Variants in PAICS observed in about 807,000 individuals in gnomAD.
PAICS encodes bifunctional phosphoribosylaminoimidazole carboxylase/phosphoribosylaminoimidazole succinocarboxamide synthetase.
Under a neutral mutation model 53.7 loss-of-function variants are expected in PAICS, and 33 were observed. That is an observed-to-expected ratio of 0.61 (90% confidence interval 0.47 to 0.82). PAICS has a LOEUF of 0.82. PAICS is among the 40% of genes least tolerant of loss of function. The probability of loss-of-function intolerance (pLI) is 0.00; values close to 1 mark genes in which losing one functional copy is unlikely to be tolerated. For missense variants in PAICS, 394 were observed against 494.1 expected, an observed-to-expected ratio of 0.80 and a Z score of 1.92; for synonymous variants, 141 against 167.2, an observed-to-expected ratio of 0.84 and a Z score of 1.21.
the PAICS span, chr4:56,425,338 C>A: frequency 5.9e-6 from 2 of 340,930 alleles, no homozygotes; most frequent in Non-Finnish European, 8.3e-6. Flanking sequence ...TCATATGAAA[C>A]ACAATACTGA....
chr4:56,453,009 C>T (rs1431575115), intron 7 of PAICS, among the ~76,000 whole-genome samples: 2 of 152,052 alleles, frequency 1.3e-5, no homozygotes, highest in African/African-American at 4.8e-5. Context: ...CAAATACATA[C>T]AATTTTGGAT....
chr4:56,439,903 A>T (rs1258128497), intron 1 of PAICS, among the ~76,000 whole-genome samples: 2 of 152,226 alleles, frequency 1.3e-5, no homozygotes, highest in East Asian at 3.9e-4. Flanking sequence ...GAGATTACAG[A>T]TGTGAGCCAC....
the PAICS span, chr4:56,428,946 T>C: frequency 2.1e-6 from 2 of 956,242 alleles, no homozygotes; most frequent in Non-Finnish European, 2.5e-6. Flanking sequence ...TAAGAATTAT[T>C]TGAAGGTCAC....
Position 56,436,671 on chromosome 4 carries a change from TAAG to T in PAICS, c.16+347_16+349del, listed in dbSNP as rs1578143878. ...TTGCCCGTTAGGTTAATGACCTTTC[TAAG>T]AAGGTTAATAATTGAAACTTTTGAA... On this transcript the variant is annotated intron_variant, in intron 1 of 8. Coordinates refer to ENST00000512576, the MANE Select transcript of PAICS (RefSeq NM_001079524.2). 3.3e-5 allele frequency: 18 copies of T among 549,826 alleles called. No individual in the cohort carries two copies. In the East Asian group the frequency reaches 5.9e-4, roughly 18 times the overall value. The allele number at this position is 549,826 out of a possible 1,614,324, so 34.1% of individuals were successfully genotyped here.
rs553818015 is a variant in PAICS at position 56,455,887 on chromosome 4, C to T, written c.1111+2126C>T. On this transcript the variant is annotated intron_variant, in intron 8 of 8. Coordinates refer to ENST00000512576, the MANE Select transcript of PAICS (RefSeq NM_001079524.2). ...TGAGTCTGTTTTCATTATGGACTTT[C>T]GGTGAGCTCTTTTAATCTGAAATTC... Among the ~76,000 whole-genome samples, 7 of 152,228 alleles carry T rather than the reference C, an allele frequency of 4.6e-5. No individual in the cohort carries two copies. The South Asian group carries it at 8.3e-4, about 18-fold the overall frequency.
chr4:56,451,898 C>T lies in PAICS; in HGVS notation c.798C>T (p.Cys266=). 1 of 1,597,768 alleles carries T rather than the reference C, an allele frequency of 6.3e-7. No individual in the cohort carries two copies. The highest frequency in any genetic ancestry group is 2.2e-5 in the East Asian group (1 of 44,708). The change falls in exon 7 of 9, where the codon TGC becomes TGT. Residue 266 remains cysteine, a synonymous_variant. Transcript: ENST00000512576. ...VELLLKSESQ[C]RVVVLMGSTS... is the part of the protein sequence containing the mutation. ...TGCTTTTGAAATCAGAAAGTCAGTG[C>T]AGGGTTGTAGTGTTGATGGGCTCTA...
chr4:56,438,046 A>G (rs183539293), intron 1 of PAICS, among the ~76,000 whole-genome samples: 1 of 152,016 alleles, frequency 6.6e-6, no homozygotes, highest in East Asian at 1.9e-4. Flanking sequence ...TATGGTCTCT[A>G]AAAGGCAAAA....
chr4:56,434,912 C>A (rs555246303), upstream of PAICS, among the ~76,000 whole-genome samples: 1 of 152,332 alleles, frequency 6.6e-6, no homozygotes, highest in East Asian at 1.9e-4. Context: ...GGAGGCCCCG[C>A]GCGAAAACCT....
chr4:56,444,768 T>C (rs965209407), intron 2 of PAICS, among the ~76,000 whole-genome samples: 2 of 152,178 alleles, frequency 1.3e-5, no homozygotes, highest in African/African-American at 4.8e-5. Flanking sequence ...TGTAGCTTCA[T>C]TATGTGCTTT....
In PAICS at chr4:56,443,837, C is replaced by T. The variant is rs1718456094; in HGVS notation, c.214+1977C>T. Among the ~76,000 whole-genome samples, 3 of 152,220 alleles carry T rather than the reference C, an allele frequency of 2.0e-5. 1 individual carries two copies. The South Asian group carries it at 6.2e-4, about 32-fold the overall frequency. Reference sequence around the variant, plus strand: ...TCAGGGGAACAGGGAAGGATGGTTACCTAAATGAAATACTCCAATAATTAT... The same window carrying T: ...TCAGGGGAACAGGGAAGGATGGTTATCTAAATGAAATACTCCAATAATTAT... On this transcript the variant is annotated intron_variant, in intron 2 of 8. Coordinates refer to ENST00000512576, the MANE Select transcript of PAICS (RefSeq NM_001079524.2).
Position 56,461,549 on chromosome 4 carries a change from A to G in PAICS, c.*2011A>G. ...TTTTTCCTTTTTTTTTTTAAGAGCC[A>G]AGTTCTCACTGTCTCCCAGGCTGGA... On this transcript the variant is annotated 3_prime_UTR_variant, in exon 9 of 9. Coordinates refer to ENST00000512576, the MANE Select transcript of PAICS (RefSeq NM_001079524.2). 1 of 151,958 alleles carries G rather than the reference A, an allele frequency of 6.6e-6. No individual in the cohort carries two copies. The allele number at this position is 151,958 out of a possible 1,614,324, so 9.4% of individuals were successfully genotyped here.
rs559522108 is a variant in PAICS at position 56,445,189 on chromosome 4, G to A, written c.215-1506G>A. On this transcript the variant is annotated intron_variant, in intron 2 of 8. Coordinates refer to ENST00000512576, the MANE Select transcript of PAICS (RefSeq NM_001079524.2). ...GAGAGGGCAGAGGAAATAGTGTAGG[G>A]TTTGGACAGTGCGTTTCAAGTCCAG... Among the ~76,000 whole-genome samples the A allele has an allele frequency of 5.3e-5, 8 of 152,240 alleles. No individual in the cohort carries two copies. The East Asian group carries it at 1.5e-3, about 29-fold the overall frequency.
chr4:56,428,993 G>C, the PAICS span: 4 of 975,378 alleles, frequency 4.1e-6, no homozygotes, highest in Non-Finnish European at 4.9e-6. Context: ...CAAGAGAAAA[G>C]CACATGAAGA....
At chr4:56,453,180 C>T (rs78693360) in intron 7 of PAICS, among the ~76,000 whole-genome samples, 1 of 152,232 alleles carries the variant, frequency 6.6e-6, no homozygotes, top group African/African-American at 2.4e-5. Flanking sequence ...TGTTTGAAGA[C>T]GTGTCCCTAA....
chr4:56,449,643 T>G (rs1156413752), intron 5 of PAICS, among the ~76,000 whole-genome samples: 1 of 151,512 alleles, frequency 6.6e-6, no homozygotes, highest in African/African-American at 2.4e-5. Context: ...ATAAAGAAAA[T>G]GTGATATACA....
intron 8 of PAICS, among the ~76,000 whole-genome samples, chr4:56,457,557 C>G (rs993593989): frequency 2.0e-5 from 3 of 152,082 alleles, no homozygotes; most frequent in Non-Finnish European, 4.4e-5. Context: ...CTATTCCCTT[C>G]CAAAGGTATC....
the PAICS span, among the ~76,000 whole-genome samples, chr4:56,416,770 GA>G: frequency 6.6e-6 from 1 of 152,158 alleles, no homozygotes; most frequent in Non-Finnish European, 1.5e-5. Flanking sequence ...TTTTACATCT[GA>G]AAGTAAACAT....
chr4:56,437,443 A>G (rs1012955200), intron 1 of PAICS, among the ~76,000 whole-genome samples: 4 of 152,084 alleles, frequency 2.6e-5, no homozygotes, highest in Non-Finnish European at 4.4e-5. Context: ...CCCAGTTGCT[A>G]TATGTATAGT....
intron 2 of PAICS, among the ~76,000 whole-genome samples, chr4:56,442,382 C>T (rs1050185362): frequency 6.6e-6 from 1 of 152,132 alleles, no homozygotes; most frequent in Non-Finnish European, 1.5e-5. Context: ...AGAGCGCCCT[C>T]CTGTTCAAAA....
Sources: allele counts gnomAD v4.1 joint callset (sites outside exome capture counted in the v4.1 genomes callset), GRCh38; gene constraint gnomAD v4.1.1; transcripts MANE v1.5; gene names NCBI Gene and HGNC (gene_info 2026-07-23, HGNC 2026-07-21).